The following JAG2 variants were observed in gnomAD, a reference collection of about 807,000 sequenced individuals.
JAG2 encodes the protein jagged canonical Notch ligand 2.
In JAG2, 46 loss-of-function variants were observed where a neutral mutation model predicts 141.7. The ratio of observed to expected loss-of-function variants is 0.32; its 90% CI spans 0.26 to 0.42. The LOEUF is 0.42. Among genes scored for constraint, JAG2 ranks in the 10% least tolerant of loss-of-function variants. The probability of loss-of-function intolerance (pLI) is 1.00; values close to 1 mark genes in which losing one functional copy is unlikely to be tolerated. For missense variants in JAG2, 1,500 were observed against 1,817.5 expected (o/e 0.83, Z 3.18); for synonymous variants, 862 against 763.5 (o/e 1.13, Z -2.13).
intron 13 of JAG2, 34 bp downstream of exon 13, chr14:105,149,136 C>G: frequency 6.5e-7 from 1 of 1,533,896 alleles, no homozygotes; most frequent in African/African-American, 1.4e-5. Context: ...CCTGCCCCAC[C>G]ACCTCCCCCA....
At chr14:105,152,990 G>A (rs1156345242) in intron 5 of JAG2, among the ~76,000 whole-genome samples, 2 of 152,136 alleles carry the variant, frequency 1.3e-5, no homozygotes, top group Non-Finnish European at 2.9e-5. Context: ...GAGGGCAGGT[G>A]GCCAGGGTAG....
chr14:105,144,567 A>G (rs897680815), intron 24 of JAG2, among the ~76,000 whole-genome samples: 21 of 152,042 alleles, frequency 1.4e-4, no homozygotes, highest in Non-Finnish European at 2.9e-4. Flanking sequence ...GACACCCCCC[A>G]GGTCCAGGGC....
At chr14:105,147,049 A>G (rs1042695094) in intron 20 of JAG2, 2 of 601,758 alleles carry the variant, frequency 3.3e-6, no homozygotes, top group African/African-American at 1.9e-5. Flanking sequence ...CTGCGGCCAC[A>G]GAGGAGCCCA....
intron 20 of JAG2, chr14:105,147,002 G>T: frequency 1.6e-6 from 1 of 609,570 alleles, no homozygotes; most frequent in South Asian, 1.9e-5. Context: ...AAGGGGTGCT[G>T]GACAGACAGC....
chr14:105,149,327 G>C lies in JAG2; in HGVS notation c.1603-7C>G, dbSNP rs181385226. On this transcript the variant is annotated splice_region_variant and splice_polypyrimidine_tract_variant and intron_variant, in intron 12 of 25. Coordinates refer to ENST00000331782, the MANE Select transcript of JAG2 (RefSeq NM_002226.5). ...CACAAAGGTCGACATCCACCTGCAG[G>C]GTGGGGGGTGCCTGTGAGAGCCTAG... is the stretch of plus-strand genomic sequence containing the variant. 2.5e-6 allele frequency: 4 copies of C among 1,612,578 alleles called. No homozygotes were observed. Among genetic ancestry groups the C allele is most frequent in the Admixed American group, 1.7e-5 (1 of 60,028 alleles).
At position 105,143,564 on chromosome 14, in the gene JAG2, G is replaced by A. The variant is rs769064669; in HGVS notation, c.3159C>T (p.Ile1053=). The A allele has an allele frequency of 4.4e-6, 7 of 1,602,214 alleles. No individual in the cohort carries two copies. The highest frequency in any genetic ancestry group is 1.1e-5 in the South Asian group (1 of 88,998). The change falls in exon 25 of 26, where the codon ATC becomes ATT. Residue 1053 remains isoleucine, a synonymous_variant. Coordinates refer to ENST00000331782, the MANE Select transcript of JAG2 (RefSeq NM_002226.5). ...QGAAHAIVAA[I]TQRGNSSLLL... ...GCAGTGAGCTGTTCCCCCGCTGGGT[G>A]ATGGCGGCCACGATGGCGTGGGCCG...
intron 2 of JAG2, among the ~76,000 whole-genome samples, chr14:105,166,090 C>T (rs2140997554): frequency 6.6e-6 from 1 of 152,344 alleles, no homozygotes; most frequent in South Asian, 2.1e-4. Context: ...GCCGCCTGCC[C>T]CCTCCTGGGG....
At position 105,151,403 on chromosome 14, in the gene JAG2, AG is replaced by A. The variant is rs1398983248; in HGVS notation, c.1154-8del. On this transcript the variant is annotated splice_region_variant and splice_polypyrimidine_tract_variant and intron_variant, in intron 8 of 25. Transcript: ENST00000331782. ...GAAGCACACTCATCGATGTCTGCAG[AG>A]GGTGGAGAAAGGTGGGGCCCTGGCA... is the stretch of plus-strand genomic sequence containing the variant. 1 of 1,608,646 alleles carries A rather than the reference AG, an allele frequency of 6.2e-7. No individual in the cohort carries two copies. Among genetic ancestry groups the A allele is most frequent in the Admixed American group, 1.7e-5 (1 of 59,990 alleles).
rs1339757937 is a variant in JAG2, at chr14:105,148,829, G to A, written c.1936C>T (p.Arg646Cys). 7 of 1,595,888 alleles carry A rather than the reference G, an allele frequency of 4.4e-6. No individual in the cohort carries two copies. Among genetic ancestry groups the A allele is most frequent in the East Asian group, 2.3e-5 (1 of 44,110 alleles). ...NIDDCLGQPC[R>C]NGGTCIDEVD... Reference sequence around the variant, plus strand: ...TCATCGATGCATGTGCCCCCATTGCGGCAGGGCTGGCCCAGGCAGTCGTCA... The same window carrying A: ...TCATCGATGCATGTGCCCCCATTGCAGCAGGGCTGGCCCAGGCAGTCGTCA... Residue 646 changes from arginine (R) to cysteine (C), a missense_variant, in exon 15 of 26, where the codon CGC (arginine) becomes TGC (cysteine). Around this residue, in one of 3 missense-constraint regions of JAG2, gnomAD observed 875 missense variants for 1,202.2 expected, o/e 0.73. Transcript: ENST00000331782.
chr14:105,157,475 C>T (rs780770340), intron 3 of JAG2, among the ~76,000 whole-genome samples: 13 of 152,202 alleles, frequency 8.5e-5, no homozygotes, highest in Non-Finnish European at 1.3e-4. Flanking sequence ...AAAGAGCACA[C>T]CCAAGAGGAG....
At position 105,156,217 on chromosome 14, in the gene JAG2, G is replaced by T. The variant is rs1262610684; in HGVS notation, c.476-228C>A. 2.0e-5 allele frequency among the ~76,000 whole-genome samples: 3 copies of T among 152,052 alleles called. No homozygotes were observed. The South Asian group carries it at 6.2e-4, about 32-fold the overall frequency. On this transcript the variant is annotated intron_variant, in intron 3 of 25. Transcript: ENST00000331782. ...CCTGCGCCCCGCTCCCACCCTAAAC[G>T]CAGAGGGTCGGGGGGCCCGGCTAGG...
At chr14:105,160,540 G>A (rs1888717343) in intron 2 of JAG2, among the ~76,000 whole-genome samples, 1 of 151,920 alleles carries the variant, frequency 6.6e-6, no homozygotes, top group South Asian at 2.1e-4. Flanking sequence ...CTCGGGGAAA[G>A]CAACAGGGGG....
intron 5 of JAG2, 115 bp from the exon 6 acceptor site, chr14:105,152,406 C>G: frequency 8.0e-7 from 1 of 1,246,668 alleles, no homozygotes; most frequent in Non-Finnish European, 1.1e-6. Flanking sequence ...GGCCTCAGGC[C>G]TTTGAACTGG....
intron 2 of JAG2, among the ~76,000 whole-genome samples, chr14:105,166,844 C>CA (rs2140998572): frequency 6.6e-6 from 1 of 152,326 alleles, no homozygotes; most frequent in South Asian, 2.1e-4. Flanking sequence ...ATGGTGCTCT[C>CA]ATTCCCGCAC....
Position 105,147,818 on chromosome 14 carries a change from G to A in JAG2, c.2319C>T (p.Phe773=), listed in dbSNP as rs1305170158. Residue 773 remains phenylalanine (F), a synonymous_variant, in exon 18 of 26, where the codon TTC becomes TTT. Coordinates refer to ENST00000331782, the MANE Select transcript of JAG2 (RefSeq NM_002226.5). ...GGTCVGSGAS[F]SCICRDGWEG... is the part of the protein sequence containing the mutation. Reference sequence around the variant, plus strand: ...CCCAGCCGTCCCGGCAGATGCAGGAGAAGGAGGCCCCGCTGCCCACGCAGG... The same window carrying A: ...CCCAGCCGTCCCGGCAGATGCAGGAAAAGGAGGCCCCGCTGCCCACGCAGG... The A allele has an allele frequency of 3.2e-6, 5 of 1,550,078 alleles. No individual in the cohort carries two copies. The highest frequency in any genetic ancestry group is 4.4e-6 in the Non-Finnish European group (5 of 1,147,680).
rs1442649594 is a variant in JAG2, at chr14:105,167,169, G to A, written c.417+588C>T. ...CAAAAAAACCCACAAACAGGGCAGT[G>A]CCACAGAAGGTCACTGCACCAGGAT... On this transcript the variant is annotated intron_variant, in intron 2 of 25. Transcript: ENST00000331782. The surrounding 1 kb of genome is among the most constrained non-coding windows in gnomAD (Gnocchi z 4.8). 7.2e-5 allele frequency among the ~76,000 whole-genome samples: 11 copies of A among 152,232 alleles called. 1 individual carries two copies. The highest frequency in any genetic ancestry group is 1.5e-5 in the Non-Finnish European group (1 of 68,034).
chr14:105,160,522 C>T (rs1302097540), intron 2 of JAG2, among the ~76,000 whole-genome samples: 1 of 151,724 alleles, frequency 6.6e-6, no homozygotes, highest in Non-Finnish European at 1.5e-5. Flanking sequence ...AACCTATAGC[C>T]AGCGGGGCTC....
At position 105,142,476 on chromosome 14, in the gene JAG2, T is replaced by C; in HGVS notation, c.*219A>G. On this transcript the variant is annotated 3_prime_UTR_variant, in exon 26 of 26. Coordinates refer to ENST00000331782, the MANE Select transcript of JAG2 (RefSeq NM_002226.5). Reference sequence around the variant, plus strand: ...GCCACGCACGGAAACTTTACAAAAATAGCAACTATCCGAGAATACTCCATT... The same window carrying C: ...GCCACGCACGGAAACTTTACAAAAACAGCAACTATCCGAGAATACTCCATT... 1 of 564,322 alleles carries C rather than the reference T, an allele frequency of 1.8e-6. No homozygotes were observed. Among genetic ancestry groups the C allele is most frequent in the Non-Finnish European group, 3.1e-6 (1 of 318,622 alleles). 35.0% of individuals were successfully genotyped at this position (564,322 alleles called of 1,614,324 possible).
At position 105,157,721 on chromosome 14, in the gene JAG2, C is replaced by T. The variant is rs1490700973; in HGVS notation, c.460G>A (p.Asp154Asn). The T allele has an allele frequency of 7.0e-6, 11 of 1,570,650 alleles. No homozygotes were observed. The highest frequency in any genetic ancestry group is 3.7e-5 in the Admixed American group (2 of 54,220). Residue 154 changes from aspartate (D) to asparagine (N), a missense_variant, in exon 3 of 26, where the codon GAT becomes AAT. Asp to Asn is a conservative substitution (Grantham distance 23). Around this residue, in one of 3 missense-constraint regions of JAG2, gnomAD observed 875 missense variants for 1,202.2 expected, o/e 0.73. Coordinates refer to ENST00000331782, the MANE Select transcript of JAG2 (RefSeq NM_002226.5). ...LIVEAWDWDN[D>N]TTPNEELLIE... ...GCTCACTCACCATTCGGGGTGGTAT[C>T]GTTGTCCCAGTCCCAGGCCTCCACG...
Sources: gnomAD v4.1 joint callset for allele counts (sites outside exome capture counted in the v4.1 genomes callset) on GRCh38, gnomAD v4.1.1 for gene constraint, gnomAD v4.1.1 regional missense constraint, Gnocchi (gnomAD v3.1) non-coding constraint, MANE v1.5 for transcripts, NCBI Gene and HGNC (gene_info 2026-07-23, HGNC 2026-07-21) for gene names.